Variants in SLC6A17 observed in about 807,000 individuals in gnomAD.
The protein encoded by SLC6A17 is solute carrier family 6 member 17.
A neutral mutation model predicts 64.5 loss-of-function variants in SLC6A17; 21 were observed. The observed-to-expected ratio is 0.33, with a 90% CI of 0.23 to 0.47. The LOEUF (loss-of-function observed/expected upper bound fraction) is 0.47. Ranked by LOEUF, SLC6A17 falls within the 20% of genes least tolerant of loss-of-function variation. SLC6A17 has a pLI of 1.00. For missense variants in SLC6A17, 682 were observed against 963.2 expected (o/e 0.71, Z 3.86); for synonymous variants, 372 against 399.5 (o/e 0.93, Z 0.82).
rs1460697135 is a variant in SLC6A17 at position 110,200,084 on chromosome 1, C to T, written c.*1640C>T. 4 of 398,374 alleles carry T rather than the reference C, an allele frequency of 1.0e-5. No individual in the cohort carries two copies. The highest frequency in any genetic ancestry group is 1.8e-5 in the Non-Finnish European group (4 of 226,024). The allele number at this position is 398,374 out of a possible 1,614,324, so 24.7% of individuals were successfully genotyped here. On this transcript the variant is annotated 3_prime_UTR_variant, in exon 12 of 12. Transcript: ENST00000331565. ...GGCCACAGTGCTCAACCCGGACACC[C>T]TCACGAAGGGTCGCAAGTCACTCTT...
rs773243821 is a variant in SLC6A17, at chr1:110,176,625, G to A, written c.754-4G>A. 46 of 1,613,794 alleles carry A rather than the reference G, an allele frequency of 2.9e-5. No homozygotes were observed. Among genetic ancestry groups the A allele is most frequent in the Non-Finnish European group, 3.1e-5 (37 of 1,179,844 alleles). Reference sequence around the variant, plus strand: ...CTGATGGGGGTTCCCTGTCCTCTCTGCAGGTGATGTATTTCAGCTCCCTCT... The same window carrying A: ...CTGATGGGGGTTCCCTGTCCTCTCTACAGGTGATGTATTTCAGCTCCCTCT... On this transcript the variant is annotated splice_region_variant and splice_polypyrimidine_tract_variant and intron_variant, in intron 5 of 11. Transcript: ENST00000331565.
chr1:110,185,161 GT>G (rs1209558314), intron 6 of SLC6A17, among the ~76,000 whole-genome samples: 1 of 152,244 alleles, frequency 6.6e-6, no homozygotes, highest in African/African-American at 2.4e-5. Context: ...TGTTGGGCAA[GT>G]TCCTTTGCCC....
intron 10 of SLC6A17, among the ~76,000 whole-genome samples, 196 bp downstream of exon 10, chr1:110,195,941 A>G (rs999037261): frequency 6.6e-6 from 1 of 152,072 alleles, no homozygotes; most frequent in African/African-American, 2.4e-5. Context: ...CAGTCTGAGG[A>G]CTGGGTGTCC....
At chr1:110,187,565 T>C (rs1024335449) in intron 6 of SLC6A17, among the ~76,000 whole-genome samples, 19 of 152,208 alleles carry the variant, frequency 1.2e-4, no homozygotes, top group Admixed American at 3.9e-4. Flanking sequence ...TAGGCTAAAC[T>C]TGATTTAATA....
intron 6 of SLC6A17, among the ~76,000 whole-genome samples, chr1:110,184,648 C>T (rs911867518): frequency 1.3e-5 from 2 of 152,110 alleles, no homozygotes; most frequent in African/African-American, 4.8e-5. Context: ...TGTGGGTTCC[C>T]AACTTAGCAT....
Position 110,201,612 on chromosome 1 carries a change from G to A in SLC6A17, c.*3168G>A, listed in dbSNP as rs1657129093. 1 of 152,200 alleles carries A rather than the reference G, an allele frequency of 6.6e-6. No individual in the cohort carries two copies. Among genetic ancestry groups the A allele is most frequent in the Non-Finnish European group, 1.5e-5 (1 of 68,068 alleles). 9.4% of individuals were successfully genotyped at this position (152,200 alleles called of 1,614,324 possible). ...GGGCACATCAGTTAATGCCAGTGAGGTCAGCTTCTGCCCTCCAGCAATACA... is the reference window on the plus strand; with the variant it reads ...GGGCACATCAGTTAATGCCAGTGAGATCAGCTTCTGCCCTCCAGCAATACA... On this transcript the variant is annotated 3_prime_UTR_variant, in exon 12 of 12. Coordinates refer to ENST00000331565, the MANE Select transcript of SLC6A17 (RefSeq NM_001010898.4).
At chr1:110,191,350 G>C (rs1349591909) in intron 6 of SLC6A17, among the ~76,000 whole-genome samples, 1 of 152,236 alleles carries the variant, frequency 6.6e-6, no homozygotes, top group Non-Finnish European at 1.5e-5. Flanking sequence ...TGCTGTTGCA[G>C]TTCGGGCTCC....
chr1:110,157,564 C>T (rs1461418814), intron 1 of SLC6A17, among the ~76,000 whole-genome samples: 1 of 151,864 alleles, frequency 6.6e-6, no homozygotes, highest in East Asian at 1.9e-4. Context: ...CAAAGCAAGA[C>T]TCCATCTCAA....
chr1:110,165,153 A>C (rs1453871457), intron 1 of SLC6A17, among the ~76,000 whole-genome samples: 1 of 152,126 alleles, frequency 6.6e-6, no homozygotes, highest in Non-Finnish European at 1.5e-5. Context: ...GGACCTGCTG[A>C]GTGAGGAGAG....
intron 1 of SLC6A17, among the ~76,000 whole-genome samples, chr1:110,151,245 C>G (rs925862403): frequency 2.0e-5 from 3 of 152,212 alleles, no homozygotes; most frequent in African/African-American, 7.2e-5. Flanking sequence ...CCGGCCCATC[C>G]GCGGCTTGAA....
chr1:110,193,655 C>T (rs1258794124), intron 8 of SLC6A17, among the ~76,000 whole-genome samples: 2 of 152,212 alleles, frequency 1.3e-5, no homozygotes, highest in African/African-American at 4.8e-5. Context: ...ATCCTACACC[C>T]CAACCCTTTC....
chr1:110,156,125 G>A (rs1431376880), intron 1 of SLC6A17, among the ~76,000 whole-genome samples: 2 of 152,208 alleles, frequency 1.3e-5, no homozygotes, highest in Admixed American at 6.5e-5. Context: ...CACCACTGGG[G>A]CCATCTGCCT....
intron 6 of SLC6A17, among the ~76,000 whole-genome samples, chr1:110,184,774 C>G (rs561970224): frequency 6.6e-6 from 1 of 152,162 alleles, no homozygotes; most frequent in Non-Finnish European, 1.5e-5. Flanking sequence ...CACATATTCA[C>G]GTGCGTGTAT....
At chr1:110,183,270 T>G (rs1285351070) in intron 6 of SLC6A17, among the ~76,000 whole-genome samples, 1 of 152,202 alleles carries the variant, frequency 6.6e-6, no homozygotes, top group Non-Finnish European at 1.5e-5. Flanking sequence ...ATGCATACAG[T>G]GGGATATTAT....
chr1:110,186,878 C>T (rs1309354321), intron 6 of SLC6A17, among the ~76,000 whole-genome samples: 1 of 152,170 alleles, frequency 6.6e-6, no homozygotes, highest in Non-Finnish European at 1.5e-5. Flanking sequence ...AAATGATATT[C>T]ATGGTGGGTT....
In SLC6A17 at chr1:110,201,260, T is replaced by G. The variant is rs1161977516; in HGVS notation, c.*2816T>G. The G allele has an allele frequency of 1.3e-5, 2 of 152,034 alleles. No homozygotes were observed. Among genetic ancestry groups the G allele is most frequent in the East Asian group, 3.9e-4 (2 of 5,150 alleles). 9.4% of individuals were successfully genotyped at this position (152,034 alleles called of 1,614,324 possible). The stretch of plus-strand genomic sequence containing the variant: ...CCTCCCCACTGTGCTTTTGATGCCT[T>G]TGGAGTCAAAGGCAGGTGGGGTCAC... On this transcript the variant is annotated 3_prime_UTR_variant, in exon 12 of 12. Transcript: ENST00000331565.
intron 10 of SLC6A17, among the ~76,000 whole-genome samples, chr1:110,196,427 G>A (rs1392578709): frequency 6.6e-6 from 1 of 152,142 alleles, no homozygotes; most frequent in Non-Finnish European, 1.5e-5. Flanking sequence ...TTGGCAGTGG[G>A]GCTCTTTCAC....
chr1:110,155,396 T>G (rs999782498), intron 1 of SLC6A17, among the ~76,000 whole-genome samples: 1 of 152,258 alleles, frequency 6.6e-6, no homozygotes, highest in Non-Finnish European at 1.5e-5. Context: ...TAAGCTCAGA[T>G]GCAATATGAA....
intron 4 of SLC6A17, 50 bp from the exon 5 acceptor site, chr1:110,174,729 A>G: frequency 6.3e-7 from 1 of 1,587,498 alleles, no homozygotes; most frequent in African/African-American, 1.3e-5. Flanking sequence ...AGAGGAAGTG[A>G]CCCCATAGGC....
Sources: allele counts gnomAD v4.1 joint callset (sites outside exome capture counted in the v4.1 genomes callset), GRCh38; gene constraint gnomAD v4.1.1; transcripts MANE v1.5; gene names NCBI Gene and HGNC (gene_info 2026-07-23, HGNC 2026-07-21).